CNTNAP4: variants seen among roughly 807,000 people sequenced by gnomAD.
The protein encoded by CNTNAP4 is contactin-associated protein-like 4.
In CNTNAP4, 98 loss-of-function variants were observed where a neutral mutation model predicts 148.4. The ratio of observed to expected loss-of-function variants is 0.66; its 90% CI spans 0.56 to 0.78. CNTNAP4 has a LOEUF of 0.78. Among genes scored for constraint, CNTNAP4 ranks in the 30% least tolerant of loss-of-function variants. CNTNAP4 has a pLI of 0.00. For missense variants in CNTNAP4, 1,935 were observed against 1,565.6 expected, an observed-to-expected ratio of 1.24 and a Z score of -3.98; for synonymous variants, 730 against 565.1, an observed-to-expected ratio of 1.29 and a Z score of -4.14.
At chr16:76,452,868 T>A in intron 8 of CNTNAP4, 99 bp downstream of exon 8, 1 of 1,080,298 alleles carries the variant, frequency 9.3e-7, no homozygotes, top group Non-Finnish European at 1.3e-6. Flanking sequence ...AATATTTGCT[T>A]AATAAATGAA....
intron 3 of CNTNAP4, among the ~76,000 whole-genome samples, chr16:76,388,337 C>A (rs546936797): frequency 6.6e-6 from 1 of 152,234 alleles, no homozygotes; most frequent in East Asian, 1.9e-4. Context: ...AAATGAAAAA[C>A]AAACAAATAA....
intron 1 of CNTNAP4, among the ~76,000 whole-genome samples, chr16:76,299,166 A>C (rs1247704531): frequency 6.6e-6 from 1 of 152,220 alleles, no homozygotes; most frequent in Non-Finnish European, 1.5e-5. Context: ...ATTAAACTAA[A>C]GAGCTTCTGC....
intron 4 of CNTNAP4, 28 bp downstream of exon 4, chr16:76,427,627 A>C: frequency 6.4e-7 from 1 of 1,565,996 alleles, no homozygotes; most frequent in Non-Finnish European, 8.7e-7. Flanking sequence ...CAATACACTG[A>C]CATAGATATC....
At position 76,555,749 on chromosome 16, in the gene CNTNAP4, G is replaced by T. The variant is rs186858478; in HGVS notation, c.3733+1842G>T. On this transcript the variant is annotated intron_variant, in intron 23 of 23. Transcript: ENST00000611870. Reference sequence around the variant, plus strand: ...TATTCTAGAATAGAAACAAGTTACAGTTCATCTGTGAAATTCTCACTTAGC... The same window carrying T: ...TATTCTAGAATAGAAACAAGTTACATTTCATCTGTGAAATTCTCACTTAGC... 1.0e-3 allele frequency among the ~76,000 whole-genome samples: 159 copies of T among 152,338 alleles called. 1 individual carries two copies. Among genetic ancestry groups the T allele is most frequent in the African/African-American group, 3.7e-3 (155 of 41,564 alleles).
intron 15 of CNTNAP4, among the ~76,000 whole-genome samples, chr16:76,518,780 A>T (rs1347827511): frequency 5.3e-5 from 8 of 152,162 alleles, no homozygotes; most frequent in Admixed American, 5.2e-4. Context: ...CTGCTATTGA[A>T]CATGAAGCTT....
intron 2 of CNTNAP4, among the ~76,000 whole-genome samples, chr16:76,333,360 A>G (rs956959357): frequency 1.3e-5 from 2 of 152,170 alleles, no homozygotes; most frequent in African/African-American, 4.8e-5. Context: ...TCTCTGCTCA[A>G]ATCTGCTGTT....
intron 8 of CNTNAP4, among the ~76,000 whole-genome samples, chr16:76,459,140 T>G (rs943231317): frequency 1.3e-5 from 2 of 152,130 alleles, no homozygotes; most frequent in African/African-American, 4.8e-5. Context: ...GAGAATGAGA[T>G]GTCGGAGAAA....
chr16:76,496,311 G>A (rs4368185), intron 14 of CNTNAP4, among the ~76,000 whole-genome samples: 127,243 of 151,906 alleles, frequency 0.84, 54,197 homozygotes, highest in East Asian at 0.97. Flanking sequence ...GTAATGCTTA[G>A]CAACAATAAA....
At chr16:76,447,573 G>T (rs1382298608) in intron 4 of CNTNAP4, among the ~76,000 whole-genome samples, 1 of 152,042 alleles carries the variant, frequency 6.6e-6, no homozygotes, top group Non-Finnish European at 1.5e-5. Flanking sequence ...ACAGTTTTTT[G>T]ACTTTACAGT....
chr16:76,326,233 A>G (rs930656309), intron 2 of CNTNAP4, among the ~76,000 whole-genome samples: 5 of 152,208 alleles, frequency 3.3e-5, no homozygotes, highest in Non-Finnish European at 7.3e-5. Flanking sequence ...TAAACAAAAT[A>G]CTAGCGTACA....
chr16:76,365,058 G>A (rs898103329), intron 3 of CNTNAP4, among the ~76,000 whole-genome samples: 5 of 152,202 alleles, frequency 3.3e-5, no homozygotes, highest in African/African-American at 1.2e-4. Context: ...TGCATAAGGT[G>A]TGAGGAAGGG....
At chr16:76,406,818 G>A (rs1308611557) in intron 3 of CNTNAP4, among the ~76,000 whole-genome samples, 7 of 152,112 alleles carry the variant, frequency 4.6e-5, no homozygotes. Flanking sequence ...AGCAGAGGTT[G>A]GTTCATGAGG....
intron 1 of CNTNAP4, among the ~76,000 whole-genome samples, chr16:76,288,825 G>C (rs1958993756): frequency 6.6e-6 from 1 of 152,040 alleles, no homozygotes; most frequent in African/African-American, 2.4e-5. Flanking sequence ...AAGATGAACA[G>C]AATCAGGCTA....
At chr16:76,553,215 C>G in intron 21 of CNTNAP4, 68 bp from the exon 22 acceptor site, 1 of 919,500 alleles carries the variant, frequency 1.1e-6, no homozygotes, top group Non-Finnish European at 1.7e-6. Flanking sequence ...TCAGAATCCT[C>G]AATTTCTGCA....
chr16:76,552,385 G>A (rs1156871859), intron 21 of CNTNAP4, among the ~76,000 whole-genome samples: 1 of 152,160 alleles, frequency 6.6e-6, no homozygotes, highest in African/African-American at 2.4e-5. Context: ...GTGGATGGAT[G>A]CATTGTATTT....
Position 76,452,909 on chromosome 16 carries a change from T to G in CNTNAP4, c.1333+140T>G, listed in dbSNP as rs1050766223. On this transcript the variant is annotated intron_variant, in intron 8 of 23. Coordinates refer to ENST00000611870, the MANE Select transcript of CNTNAP4 (RefSeq NM_033401.5). The stretch of plus-strand genomic sequence containing the variant: ...AGGTTAATAAGATTATAAGTACTCT[T>G]CCTTAGAGGAACTTGATTCCAATTT... 3.9e-6 allele frequency: 3 copies of G among 776,146 alleles called. No homozygotes were observed. The African/African-American group carries it at 5.4e-5, about 14-fold the overall frequency. The allele number at this position is 776,146 out of a possible 1,614,324, so 48.1% of individuals were successfully genotyped here.
chr16:76,530,259 G>A (rs2083920033), intron 17 of CNTNAP4, among the ~76,000 whole-genome samples: 1 of 152,008 alleles, frequency 6.6e-6, no homozygotes, highest in South Asian at 2.1e-4. Context: ...GTTATGGGAA[G>A]AGAATATCAA....
chr16:76,451,069 G>A (rs568804285), intron 7 of CNTNAP4, among the ~76,000 whole-genome samples: 40 of 152,308 alleles, frequency 2.6e-4, no homozygotes, highest in African/African-American at 9.1e-4. Flanking sequence ...TGCATCCAGC[G>A]ATGGGCCTGG....
At chr16:76,418,553 T>C (rs540961077) in intron 3 of CNTNAP4, among the ~76,000 whole-genome samples, 8 of 151,798 alleles carry the variant, frequency 5.3e-5, no homozygotes, top group Non-Finnish European at 1.2e-4. Context: ...TTGATTCTTT[T>C]GCAGAGTTTT....
Sources: allele counts gnomAD v4.1 joint callset (sites outside exome capture counted in the v4.1 genomes callset), GRCh38; gene constraint gnomAD v4.1.1; transcripts MANE v1.5; gene names NCBI Gene and HGNC (gene_info 2026-07-23, HGNC 2026-07-21).